The following SLC13A4 variants were observed in gnomAD, a reference collection of about 807,000 sequenced individuals.
SLC13A4 encodes the protein Na(+)/sulfate cotransporter SUT-1.
Under a neutral mutation model 72.7 loss-of-function variants are expected in SLC13A4, and 28 were observed. That is an observed-to-expected ratio of 0.39 (90% CI 0.29 to 0.53). SLC13A4 has a LOEUF of 0.53. SLC13A4 is among the 20% of genes least tolerant of loss of function. The pLI is 0.78. For synonymous variants in SLC13A4, 312 were observed against 325.5 expected, an observed-to-expected ratio of 0.96 and a Z score of 0.45; for missense variants, 653 against 788.0, an observed-to-expected ratio of 0.83 and a Z score of 2.05.
At chr7:135,709,201 G>C (rs1796241723) in intron 2 of SLC13A4, among the ~76,000 whole-genome samples, 1 of 151,706 alleles carries the variant, frequency 6.6e-6, no homozygotes, top group African/African-American at 2.4e-5. Flanking sequence ...AAATTGCGGG[G>C]ATCAGAAGCA....
At chr7:135,697,523 A>G (rs1377165051) in intron 8 of SLC13A4, among the ~76,000 whole-genome samples, 4 of 151,072 alleles carry the variant, frequency 2.6e-5, no homozygotes, top group African/African-American at 7.3e-5. Flanking sequence ...GCCCTGGACA[A>G]CTTTGCAGCA....
intron 6 of SLC13A4, 95 bp from the exon 7 acceptor site, chr7:135,701,855 G>T: frequency 1.7e-6 from 2 of 1,209,860 alleles, no homozygotes; most frequent in Non-Finnish European, 2.4e-6. Context: ...GCCACCCCAT[G>T]CCTCAGCACT....
At chr7:135,703,491 G>C (rs898076001) in intron 5 of SLC13A4, 1 of 153,142 alleles carries the variant, frequency 6.5e-6, no homozygotes, top group Non-Finnish European at 1.5e-5. Context: ...CTCAGGGAAA[G>C]TCAAGGGAGA....
chr7:135,686,598 C>G (rs1795631043), intron 13 of SLC13A4, among the ~76,000 whole-genome samples: 1 of 152,116 alleles, frequency 6.6e-6, no homozygotes, highest in African/African-American at 2.4e-5. Context: ...TCAAACAGAC[C>G]TGGGCTTAAG....
At chr7:135,719,760 G>T (rs1796501451) in intron 2 of SLC13A4, among the ~76,000 whole-genome samples, 1 of 149,754 alleles carries the variant, frequency 6.7e-6, no homozygotes, top group Admixed American at 6.6e-5. Flanking sequence ...TGAGCCTGAG[G>T]CTATGGCTAC....
intron 1 of SLC13A4, among the ~76,000 whole-genome samples, chr7:135,722,369 G>C (rs773463250): frequency 6.6e-6 from 1 of 152,220 alleles, no homozygotes; most frequent in African/African-American, 2.4e-5. Flanking sequence ...ATTGGTGTGT[G>C]CCTGACTGAA....
At chr7:135,722,490 G>A (rs1447031152) in intron 1 of SLC13A4, among the ~76,000 whole-genome samples, 1 of 151,908 alleles carries the variant, frequency 6.6e-6, no homozygotes, top group African/African-American at 2.4e-5. Flanking sequence ...TATACCAGGG[G>A]GATCAGCAAG....
chr7:135,721,941 G>T (rs1367582108), intron 1 of SLC13A4, among the ~76,000 whole-genome samples: 1 of 152,204 alleles, frequency 6.6e-6, no homozygotes, highest in African/African-American at 2.4e-5. Context: ...GGTAGTTGGA[G>T]ATAGGAATCA....
intron 15 of SLC13A4, among the ~76,000 whole-genome samples, chr7:135,683,127 C>CA (rs1208198482): frequency 6.6e-6 from 1 of 151,476 alleles, no homozygotes; most frequent in Non-Finnish European, 1.5e-5. Flanking sequence ...GGTGAAACCC[C>CA]ATCTCTACTA....
At chr7:135,713,791 G>A (rs551543072) in intron 2 of SLC13A4, among the ~76,000 whole-genome samples, 2 of 152,298 alleles carry the variant, frequency 1.3e-5, no homozygotes, top group South Asian at 4.1e-4. Context: ...TGGCCAGGCT[G>A]GTCTTCAACG....
intron 2 of SLC13A4, among the ~76,000 whole-genome samples, chr7:135,717,634 C>G (rs976179554): frequency 6.6e-6 from 1 of 152,204 alleles, no homozygotes; most frequent in African/African-American, 2.4e-5. Flanking sequence ...TCCTAATACC[C>G]ACTGGCTGAC....
intron 13 of SLC13A4, among the ~76,000 whole-genome samples, chr7:135,688,156 A>G (rs901637143): frequency 3.3e-5 from 5 of 151,554 alleles, no homozygotes; most frequent in African/African-American, 1.2e-4. Flanking sequence ...TTGTATTTTT[A>G]GTAGAGACGA....
chr7:135,699,434 C>A lies in SLC13A4; in HGVS notation c.829G>T (p.Ala277Ser). ...ATGGTGGTCAGGCCGCCAATGGTAG[C>A]GGAGTAGGATATGCTCAGGGAGAGG... Reference protein sequence around the residue: ...KCLSLSISYSATIGGLTTIIG... With the variant: ...KCLSLSISYSSTIGGLTTIIG... The change falls in exon 8 of 16, where the codon GCT becomes TCT. Residue 277 changes from alanine (A) to serine (S), a missense_variant. Ala to Ser is a moderately conservative substitution (Grantham distance 99, BLOSUM62 1). Coordinates refer to ENST00000682651, the MANE Select transcript of SLC13A4 (RefSeq NM_001318192.2). The A allele has an allele frequency of 1.9e-6, 3 of 1,613,246 alleles. No individual in the cohort carries two copies.
At chr7:135,684,011 C>T (rs2129493675) in intron 15 of SLC13A4, 113 bp downstream of exon 15, 2 of 1,254,476 alleles carry the variant, frequency 1.6e-6, no homozygotes, top group Non-Finnish European at 1.1e-6. Flanking sequence ...CTGGGTTTAG[C>T]ATTGACAGGC....
At chr7:135,693,462 A>C (rs1471295399) in intron 10 of SLC13A4, 2 of 79,934 alleles carry the variant, frequency 2.5e-5, no homozygotes, top group Admixed American at 1.3e-4. Context: ...AATCCAGTCA[A>C]TTTTGATTTT....
chr7:135,694,351 T>C, intron 9 of SLC13A4, 113 bp from the exon 10 acceptor site: 1 of 664,910 alleles, frequency 1.5e-6, no homozygotes, highest in Non-Finnish European at 2.7e-6. Context: ...TTCTCCTCTT[T>C]CACATGCTCT....
chr7:135,692,071 C>A, intron 11 of SLC13A4: 1 of 500,582 alleles, frequency 2.0e-6, no homozygotes, highest in Non-Finnish European at 3.5e-6. Flanking sequence ...CTTTCATAAC[C>A]ACCTATGAGG....
intron 6 of SLC13A4, 27 bp from the exon 7 acceptor site, chr7:135,701,787 T>G (rs769028311): frequency 6.2e-7 from 1 of 1,609,990 alleles, no homozygotes; most frequent in Admixed American, 1.7e-5. Context: ...CATCTCACTA[T>G]TAGGAAGAGG....
intron 2 of SLC13A4, among the ~76,000 whole-genome samples, chr7:135,710,201 T>G (rs552243571): frequency 4.0e-4 from 61 of 152,170 alleles, no homozygotes; most frequent in Admixed American, 1.2e-3. Flanking sequence ...TACATAGCAT[T>G]TGAAATAATA....
Sources: allele counts gnomAD v4.1 joint callset (sites outside exome capture counted in the v4.1 genomes callset), GRCh38; gene constraint gnomAD v4.1.1; transcripts MANE v1.5; gene names NCBI Gene and HGNC (gene_info 2026-07-23, HGNC 2026-07-21).